PLPP4: variants seen among roughly 807,000 people sequenced by gnomAD.
PLPP4 encodes phospholipid phosphatase 4.
In PLPP4, 20 loss-of-function variants were observed where a neutral mutation model predicts 32.2. The ratio of observed to expected loss-of-function variants is 0.62; its 90% confidence interval spans 0.44 to 0.90. The LOEUF (loss-of-function observed/expected upper bound fraction) is 0.90, where lower values mean the gene tolerates loss of function less well. Ranked by LOEUF, PLPP4 falls within the 40% of genes least tolerant of loss-of-function variation. The pLI is 0.00. For missense variants in PLPP4, 257 were observed against 353.1 expected, an observed-to-expected ratio of 0.73 and a Z score of 2.18; for synonymous variants, 127 against 133.0, an observed-to-expected ratio of 0.95 and a Z score of 0.31.
intron 5 of PLPP4, among the ~76,000 whole-genome samples, chr10:120,547,568 A>G (rs1847687074): frequency 6.6e-6 from 1 of 152,208 alleles, no homozygotes; most frequent in Non-Finnish European, 1.5e-5. Flanking sequence ...TCCATCAACA[A>G]TAGTATTTTA....
rs753728043 is a variant in PLPP4 at position 120,575,219 on chromosome 10, G to A, written c.534G>A (p.Arg178=). 45 of 1,614,070 alleles carry A rather than the reference G, an allele frequency of 2.8e-5. No individual in the cohort carries two copies. Among genetic ancestry groups the A allele is most frequent in the Non-Finnish European group, 3.6e-5 (43 of 1,180,028 alleles). The change falls in exon 6 of 7, where the codon CGG becomes CGA. Residue 178 remains arginine (R), a synonymous_variant. Transcript: ENST00000398250. ...AGAGTGGGCGGGGAAAGAGCTGGCGGCTCTGTGCTGCCATCCTGCCCTTGT... is the reference window on the plus strand; with the variant it reads ...AGAGTGGGCGGGGAAAGAGCTGGCGACTCTGTGCTGCCATCCTGCCCTTGT... ...FTESGRGKSW[R]LCAAILPLYC...
chr10:120,458,187 G>A (rs769730813), intron 1 of PLPP4, among the ~76,000 whole-genome samples: 1 of 152,156 alleles, frequency 6.6e-6, no homozygotes, highest in Non-Finnish European at 1.5e-5. Flanking sequence ...TCAGACCTGA[G>A]CCCAGAACAC....
chr10:120,497,943 G>A (rs1246796206), intron 1 of PLPP4, among the ~76,000 whole-genome samples: 1 of 152,106 alleles, frequency 6.6e-6, no homozygotes, highest in African/African-American at 2.4e-5. Flanking sequence ...GGGAGCCTGA[G>A]GCAGGAGAAT....
chr10:120,515,331 C>G (rs1354578398), intron 3 of PLPP4, among the ~76,000 whole-genome samples: 2 of 152,190 alleles, frequency 1.3e-5, no homozygotes, highest in Non-Finnish European at 2.9e-5. Context: ...CCTCACACTC[C>G]CAGCCTGATT....
At chr10:120,498,243 T>G (rs1241555668) in intron 1 of PLPP4, among the ~76,000 whole-genome samples, 1 of 152,184 alleles carries the variant, frequency 6.6e-6, no homozygotes. Context: ...TATTTTTAGT[T>G]TGAATCCCTA....
At chr10:120,510,695 C>T (rs1312804971) in intron 2 of PLPP4, among the ~76,000 whole-genome samples, 1 of 129,406 alleles carries the variant, frequency 7.7e-6, no homozygotes, top group East Asian at 2.7e-4. Context: ...GGTGTTTTGC[C>T]CTAGGAGGAA....
chr10:120,512,877 AC>A (rs1358204041), intron 2 of PLPP4, among the ~76,000 whole-genome samples: 1 of 152,140 alleles, frequency 6.6e-6, no homozygotes, highest in Non-Finnish European at 1.5e-5. Flanking sequence ...CCATCAGGAA[AC>A]CCCTCTCCAA....
chr10:120,503,650 T>C, intron 1 of PLPP4, 168 bp from the exon 2 acceptor site: 2 of 1,599,654 alleles, frequency 1.3e-6, no homozygotes, highest in Non-Finnish European at 1.7e-6. Flanking sequence ...CTTTCAGTCC[T>C]TCCCAAGCCT....
intron 5 of PLPP4, among the ~76,000 whole-genome samples, chr10:120,542,562 A>G (rs1564827952): frequency 1.3e-5 from 2 of 152,214 alleles, no homozygotes; most frequent in African/African-American, 2.4e-5. Flanking sequence ...TTGGCCATGC[A>G]TTCTCATTGC....
chr10:120,510,713 TC>T (rs56828685), intron 2 of PLPP4, among the ~76,000 whole-genome samples: 70,176 of 152,010 alleles, frequency 0.46, 16,554 homozygotes, highest in East Asian at 0.65. Context: ...GAAGTCGTTT[TC>T]CTAATGTGTT....
chr10:120,585,007 C>T (rs548781207), intron 6 of PLPP4, among the ~76,000 whole-genome samples: 63 of 152,320 alleles, frequency 4.1e-4, no homozygotes, highest in African/African-American at 1.4e-3. Flanking sequence ...TAATGAAATG[C>T]TGCTTCAGAA....
intron 5 of PLPP4, among the ~76,000 whole-genome samples, chr10:120,540,071 G>T (rs537608792): frequency 1.3e-4 from 20 of 148,212 alleles, no homozygotes; most frequent in Admixed American, 2.7e-4. Context: ...CAAATATTTT[G>T]TCCTAGGGAT....
At chr10:120,575,994 G>A (rs990706148) in intron 6 of PLPP4, among the ~76,000 whole-genome samples, 1 of 152,192 alleles carries the variant, frequency 6.6e-6, no homozygotes, top group African/African-American at 2.4e-5. Context: ...TCCATGGGAG[G>A]TGTGGCCTCC....
At chr10:120,529,787 G>A (rs1846616293) in intron 5 of PLPP4, among the ~76,000 whole-genome samples, 1 of 152,092 alleles carries the variant, frequency 6.6e-6, no homozygotes, top group African/African-American at 2.4e-5. Context: ...AATAATAAAA[G>A]AAACAAAAAA....
intron 1 of PLPP4, among the ~76,000 whole-genome samples, chr10:120,486,350 T>C (rs952651135): frequency 2.6e-5 from 4 of 152,050 alleles, no homozygotes; most frequent in African/African-American, 4.8e-5. Context: ...CCTCCATGTC[T>C]ACTGTCCCCT....
intron 5 of PLPP4, among the ~76,000 whole-genome samples, chr10:120,537,785 C>T (rs539413037): frequency 2.0e-5 from 3 of 152,196 alleles, no homozygotes; most frequent in African/African-American, 7.2e-5. Context: ...CAAAATATCA[C>T]ATCGTATGCT....
In PLPP4 at chr10:120,589,740, G is replaced by C. The variant is rs1849934517; in HGVS notation, c.*238G>C. 1 of 506,320 alleles carries C rather than the reference G, an allele frequency of 2.0e-6. No homozygotes were observed. The highest frequency in any genetic ancestry group is 3.5e-6 in the Non-Finnish European group (1 of 286,584). The allele number at this position is 506,320 out of a possible 1,614,324, so 31.4% of individuals were successfully genotyped here. A position where few individuals can be genotyped will look rare whatever the true frequency, so the allele number is the denominator to read the frequency against. ...AGAGACGTGTGGAAGAGGCTGTGAA[G>C]GTGGGGTTTGGGGAGCTTGGCCGAT... On this transcript the variant is annotated 3_prime_UTR_variant, in exon 7 of 7. Transcript: ENST00000398250.
At chr10:120,509,922 C>G (rs1845658447) in intron 2 of PLPP4, among the ~76,000 whole-genome samples, 1 of 152,194 alleles carries the variant, frequency 6.6e-6, no homozygotes, top group African/African-American at 2.4e-5. Flanking sequence ...AGGGTAGGAA[C>G]TGCTCTAACA....
intron 1 of PLPP4, among the ~76,000 whole-genome samples, chr10:120,484,009 C>T (rs1431189206): frequency 6.6e-6 from 1 of 152,174 alleles, no homozygotes; most frequent in African/African-American, 2.4e-5. Context: ...GAGAGAGAGA[C>T]AAATGAGGGC....
Sources: allele counts gnomAD v4.1 joint callset (sites outside exome capture counted in the v4.1 genomes callset), GRCh38; gene constraint gnomAD v4.1.1; transcripts MANE v1.5; gene names NCBI Gene and HGNC (gene_info 2026-07-23, HGNC 2026-07-21).